RAB11FIP3: variants seen among roughly 807,000 people sequenced by gnomAD.
RAB11FIP3 encodes the protein RAB11 family interacting protein 3, also known as rab11 family-interacting protein 3.
Under a neutral mutation model 77.8 loss-of-function variants are expected in RAB11FIP3, and 17 were observed. The observed-to-expected ratio is 0.22, with a 90% CI of 0.15 to 0.33. The LOEUF (loss-of-function observed/expected upper bound fraction) is 0.33. RAB11FIP3 is among the 10% of genes least tolerant of loss of function. The pLI, the probability that RAB11FIP3 is intolerant of heterozygous loss-of-function variation, is 1.00. For synonymous variants in RAB11FIP3, 437 were observed against 448.2 expected (o/e 0.98, Z 0.31); for missense variants, 1,005 against 1,011.2 (o/e 0.99, Z 0.08).
intron 3 of RAB11FIP3, among the ~76,000 whole-genome samples, chr16:473,564 G>A (rs1254259242): frequency 6.6e-6 from 1 of 151,980 alleles, no homozygotes; most frequent in Non-Finnish European, 1.5e-5. Flanking sequence ...CCTTTCCAGT[G>A]GCTGGGACCA....
intron 5 of RAB11FIP3, 188 bp downstream of exon 5, chr16:489,188 TCTC>T: frequency 1.4e-6 from 1 of 709,446 alleles, no homozygotes; most frequent in Non-Finnish European, 2.3e-6. Flanking sequence ...AAGTCCCTCT[TCTC>T]CAGCCACATC....
At chr16:448,940 A>C (rs2055363259) in intron 1 of RAB11FIP3, among the ~76,000 whole-genome samples, 1 of 152,108 alleles carries the variant, frequency 6.6e-6, no homozygotes, top group Admixed American at 6.6e-5. Context: ...AACATAAATA[A>C]GTAAATAAAT....
intron 6 of RAB11FIP3, among the ~76,000 whole-genome samples, chr16:502,223 C>T (rs1402072928): frequency 3.3e-5 from 5 of 152,266 alleles, no homozygotes; most frequent in South Asian, 2.1e-4. Context: ...AATCTGACCA[C>T]GTGGTGACCA....
At chr16:517,117 T>C (rs2032450754) in intron 9 of RAB11FIP3, among the ~76,000 whole-genome samples, 1 of 152,058 alleles carries the variant, frequency 6.6e-6, no homozygotes, top group Admixed American at 6.5e-5. Flanking sequence ...GTGGGCATCT[T>C]CCCAAAACCC....
At chr16:440,214 A>C (rs1349731027) in intron 1 of RAB11FIP3, among the ~76,000 whole-genome samples, 1 of 151,810 alleles carries the variant, frequency 6.6e-6, no homozygotes, top group Non-Finnish European at 1.5e-5. Context: ...TGTGCCTTAT[A>C]GTTGCATAAA....
intron 9 of RAB11FIP3, among the ~76,000 whole-genome samples, chr16:517,170 G>C (rs184886805): frequency 4.7e-4 from 72 of 152,318 alleles, no homozygotes; most frequent in Non-Finnish European, 8.8e-4. Flanking sequence ...CGGACCCAAC[G>C]TGGGGGACGC....
At chr16:439,476 G>T (rs1013105708) in intron 1 of RAB11FIP3, 7 of 152,190 alleles carry the variant, frequency 4.6e-5, no homozygotes, top group African/African-American at 1.7e-4. Context: ...TTCAAAACAG[G>T]GCTCATGTTG....
At chr16:512,960 G>A (rs945410305) in intron 9 of RAB11FIP3, among the ~76,000 whole-genome samples, 3 of 151,522 alleles carry the variant, frequency 2.0e-5, no homozygotes, top group Admixed American at 6.6e-5. Flanking sequence ...GGGATTACCA[G>A]CGTGAGCCAC....
chr16:474,015 G>C (rs1437276444), intron 3 of RAB11FIP3, among the ~76,000 whole-genome samples: 2 of 152,016 alleles, frequency 1.3e-5, no homozygotes, highest in Non-Finnish European at 2.9e-5. Context: ...GTCTTGCTTT[G>C]CTTTTTAAGG....
At chr16:432,127 C>A (rs2055047415) in intron 1 of RAB11FIP3, among the ~76,000 whole-genome samples, 1 of 152,108 alleles carries the variant, frequency 6.6e-6, no homozygotes. Flanking sequence ...TCACACCTGT[C>A]ATCCCAACAC....
In RAB11FIP3 at chr16:503,578, G is replaced by A. The variant is rs548770858; in HGVS notation, c.1395+481G>A. On this transcript the variant is annotated intron_variant, in intron 7 of 13. Transcript: ENST00000262305. Reference sequence around the variant, plus strand: ...GCAGCCAGGGCAAGGCAGCCTTGCCGTGGTCAAGACCCGCTTTTCAGCCAG... The same window carrying A: ...GCAGCCAGGGCAAGGCAGCCTTGCCATGGTCAAGACCCGCTTTTCAGCCAG... 6.6e-5 allele frequency among the ~76,000 whole-genome samples: 10 copies of A among 152,218 alleles called. No individual in the cohort carries two copies. In the South Asian group the frequency reaches 1.9e-3, roughly 28 times the overall value.
chr16:502,792 T>G, intron 6 of RAB11FIP3: 2 of 577,186 alleles, frequency 3.5e-6, no homozygotes, highest in Non-Finnish European at 6.0e-6. Flanking sequence ...ACGGCCTGCT[T>G]TCTCCCAGCC....
chr16:428,416 G>C (rs1270010818), intron 1 of RAB11FIP3, among the ~76,000 whole-genome samples: 2 of 152,130 alleles, frequency 1.3e-5, no homozygotes, highest in Non-Finnish European at 2.9e-5. Context: ...CTACTGCGCT[G>C]TCTCTTCTCC....
intron 1 of RAB11FIP3, among the ~76,000 whole-genome samples, chr16:459,100 A>G (rs1241251938): frequency 6.6e-6 from 1 of 151,324 alleles, no homozygotes; most frequent in Non-Finnish European, 1.5e-5. Flanking sequence ...CCTTAATATC[A>G]TCAAATATTT....
In RAB11FIP3 at chr16:471,640, C is replaced by T. The variant is rs2055810948; in HGVS notation, c.903+251C>T. On this transcript the variant is annotated intron_variant, in intron 3 of 13. Transcript: ENST00000262305. This position sits in a 1 kb window ranked among gnomAD's most constrained non-coding sequence, Gnocchi z 4.4. ...CTGTCGCCAGCAGAAGTGGGGTGGGCAGTGATGTCATGACCACCCGCTGCC... is the reference window on the plus strand; with the variant it reads ...CTGTCGCCAGCAGAAGTGGGGTGGGTAGTGATGTCATGACCACCCGCTGCC... Among the ~76,000 whole-genome samples the T allele has an allele frequency of 6.6e-6, 1 of 152,186 alleles. No homozygotes were observed. The highest frequency in any genetic ancestry group is 2.4e-5 in the African/African-American group (1 of 41,452).
chr16:494,284 G>A (rs1235991576), intron 5 of RAB11FIP3, among the ~76,000 whole-genome samples: 1 of 151,382 alleles, frequency 6.6e-6, no homozygotes, highest in Non-Finnish European at 1.5e-5. Flanking sequence ...AGTCTGTCCT[G>A]TCCTATTAGT....
intron 5 of RAB11FIP3, among the ~76,000 whole-genome samples, chr16:490,586 A>C (rs950818541): frequency 6.6e-6 from 1 of 152,194 alleles, no homozygotes; most frequent in African/African-American, 2.4e-5. Flanking sequence ...ATCCACCCAA[A>C]GTGCTGGAAT....
rs1468973154 is a variant in RAB11FIP3, at chr16:514,209, C to T, written c.1640+3409C>T. Among the ~76,000 whole-genome samples the T allele has an allele frequency of 6.6e-6, 1 of 151,680 alleles. No individual in the cohort carries two copies. The highest frequency in any genetic ancestry group is 2.4e-5 in the African/African-American group (1 of 40,940). ...TGGCCACCAGGAACCTTGTGGTTCT[C>T]AGGGCTGCTCAGGCCGTCAGAGGCC... is the stretch of plus-strand genomic sequence containing the variant. On this transcript the variant is annotated intron_variant, in intron 9 of 13. Transcript: ENST00000262305. The surrounding 1 kb of genome is among the most constrained non-coding windows in gnomAD (Gnocchi z 4.6).
intron 1 of RAB11FIP3, among the ~76,000 whole-genome samples, chr16:428,017 C>T (rs1420877466): frequency 6.6e-6 from 1 of 151,626 alleles, no homozygotes; most frequent in South Asian, 2.1e-4. Flanking sequence ...AGGAGAATGG[C>T]GTGAACCCGG....
Sources: allele counts gnomAD v4.1 joint callset (sites outside exome capture counted in the v4.1 genomes callset), GRCh38; gene constraint gnomAD v4.1.1; non-coding constraint Gnocchi (gnomAD v3.1); transcripts MANE v1.5; gene names NCBI Gene and HGNC (gene_info 2026-07-23, HGNC 2026-07-21).